Variants in NFATC2 observed in about 807,000 individuals in gnomAD.
NFATC2 encodes the protein nuclear factor of activated T cells 2, also known as nuclear factor of activated T-cells, cytoplasmic 2.
In NFATC2, 22 loss-of-function variants were observed where a neutral mutation model predicts 87.3. The ratio of observed to expected loss-of-function variants is 0.25; its 90% CI spans 0.18 to 0.36. The LOEUF (loss-of-function observed/expected upper bound fraction) is 0.36. Among genes scored for constraint, NFATC2 ranks in the 10% least tolerant of loss-of-function variants. NFATC2 has a pLI of 1.00. For synonymous variants in NFATC2, 565 were observed against 542.2 expected (o/e 1.04, Z -0.58); for missense variants, 1,149 against 1,259.1 (o/e 0.91, Z 1.32).
chr20:51,398,808 G>A, intron 9 of NFATC2, 78 bp from the exon 10 acceptor site: 1 of 989,104 alleles, frequency 1.0e-6, no homozygotes, highest in Non-Finnish European at 1.6e-6. Flanking sequence ...TCCAACTCAT[G>A]CCGATATCAT....
intron 3 of NFATC2, among the ~76,000 whole-genome samples, chr20:51,484,102 C>G (rs1989503428): frequency 6.6e-6 from 1 of 152,060 alleles, no homozygotes; most frequent in African/African-American, 2.4e-5. Flanking sequence ...CCCTTCTTCC[C>G]TCCCTGCTGC....
At chr20:51,520,685 A>G (rs954116858) in intron 2 of NFATC2, among the ~76,000 whole-genome samples, 1 of 151,152 alleles carries the variant, frequency 6.6e-6, no homozygotes, top group African/African-American at 2.4e-5. Context: ...TTTTTGAGAC[A>G]ATTTTACTCT....
chr20:51,533,112 G>T (rs1031605393), intron 1 of NFATC2, among the ~76,000 whole-genome samples: 1 of 152,228 alleles, frequency 6.6e-6, no homozygotes, highest in Admixed American at 6.5e-5. Flanking sequence ...ATCTGTAGCC[G>T]GAGGAAAGGG....
chr20:51,562,816 T>G (rs996167558), upstream of NFATC2: 16 of 551,936 alleles, frequency 2.9e-5, no homozygotes, highest in Non-Finnish European at 4.2e-5. The surrounding 1 kb of genome is among the most constrained non-coding windows in gnomAD (Gnocchi z 5.8). Flanking sequence ...GGCTCCGCGA[T>G]CCGGCTTACT....
chr20:51,428,754 T>C (rs1414818839), intron 9 of NFATC2, among the ~76,000 whole-genome samples: 2 of 152,170 alleles, frequency 1.3e-5, no homozygotes, highest in African/African-American at 4.8e-5. Context: ...TGCTTCCTTT[T>C]CCAGCCACAG....
chr20:51,468,923 C>T (rs1390056544), intron 5 of NFATC2, among the ~76,000 whole-genome samples: 1 of 152,166 alleles, frequency 6.6e-6, no homozygotes, highest in Non-Finnish European at 1.5e-5. Context: ...TCTCAAAGTC[C>T]GCCCCACATC....
intron 3 of NFATC2, among the ~76,000 whole-genome samples, chr20:51,491,147 T>C (rs113244044): frequency 8.5e-5 from 13 of 152,290 alleles, no homozygotes; most frequent in African/African-American, 2.6e-4. Flanking sequence ...GAGAGAGGAC[T>C]AGAAAAGGAA....
intron 3 of NFATC2, among the ~76,000 whole-genome samples, chr20:51,487,943 G>A (rs961436300): frequency 2.6e-5 from 4 of 152,148 alleles, no homozygotes; most frequent in South Asian, 2.1e-4. Context: ...GACTCAGCAC[G>A]GCGAGACGGC....
rs1600719910 is a variant in NFATC2 at position 51,432,778 on chromosome 20, T to C, written c.2033-22A>G. ...GGGACTGGGAGGAGAAAAGAGCACATAGGGGCGCCCATGGCAGTGAGCCAC... is the reference window on the plus strand; with the variant it reads ...GGGACTGGGAGGAGAAAAGAGCACACAGGGGCGCCCATGGCAGTGAGCCAC... On this transcript the variant is annotated intron_variant, in intron 8 of 10. Coordinates refer to ENST00000371564, the MANE Select transcript of NFATC2 (RefSeq NM_012340.5). The surrounding 1 kb of genome is among the most constrained non-coding windows in gnomAD (Gnocchi z 4.6). 1.3e-6 allele frequency: 2 copies of C among 1,533,958 alleles called. No individual in the cohort carries two copies. The highest frequency in any genetic ancestry group is 2.0e-5 in the Admixed American group (1 of 49,258).
intron 9 of NFATC2, among the ~76,000 whole-genome samples, chr20:51,401,255 A>T (rs1988005934): frequency 6.6e-6 from 1 of 152,092 alleles, no homozygotes; most frequent in Non-Finnish European, 1.5e-5. Context: ...CTGTAACCTC[A>T]GCTACCTGGG....
rs1986164468 is a variant in NFATC2 at position 51,390,135 on chromosome 20, A to C, written c.*1361T>G. ...GGAAACAGTTGGGAGGAAGGAAATC[A>C]CATATAACATGCAACCGAATAGAGC... On this transcript the variant is annotated 3_prime_UTR_variant, in exon 11 of 11. Transcript: ENST00000371564. 6.6e-6 allele frequency: 1 copy of C among 152,190 alleles called. No individual in the cohort carries two copies. The highest frequency in any genetic ancestry group is 2.1e-4 in the South Asian group (1 of 4,826). 9.4% of individuals were successfully genotyped at this position (152,190 alleles called of 1,614,324 possible).
chr20:51,435,698 G>A lies in NFATC2; in HGVS notation c.1905+8C>T, dbSNP rs765116259. ...ATTGAGAGACACTCAGGTGCGTCAC[G>A]TGCTTACGGGCTGGCTCTTGTCCTT... On this transcript the variant is annotated splice_region_variant and intron_variant, in intron 7 of 10. Coordinates refer to ENST00000371564, the MANE Select transcript of NFATC2 (RefSeq NM_012340.5). The A allele has an allele frequency of 2.4e-5, 39 of 1,608,366 alleles. No individual in the cohort carries two copies. The highest frequency in any genetic ancestry group is 2.0e-4 in the South Asian group (18 of 89,498).
At chr20:51,508,867 T>A (rs2076227944) in intron 3 of NFATC2, among the ~76,000 whole-genome samples, 2 of 151,378 alleles carry the variant, frequency 1.3e-5, no homozygotes, top group South Asian at 4.2e-4. Context: ...CCAGCCACCA[T>A]CCCCTCTGGC....
intron 1 of NFATC2, among the ~76,000 whole-genome samples, chr20:51,538,456 G>C (rs2146789439): frequency 6.6e-6 from 1 of 152,134 alleles, no homozygotes; most frequent in East Asian, 1.9e-4. Context: ...GCCAACACTG[G>C]AGTCCTCCTC....
chr20:51,391,236 G>C lies in NFATC2; in HGVS notation c.*260C>G, dbSNP rs760444197. The stretch of plus-strand genomic sequence containing the variant: ...GAGTTCTCTCTGGTGTTTAGAGGGA[G>C]GTGGCGAGCTCCTTAAGTGAGAGTC... On this transcript the variant is annotated 3_prime_UTR_variant, in exon 11 of 11. Transcript: ENST00000371564. 2 of 763,876 alleles carry C rather than the reference G, an allele frequency of 2.6e-6. No homozygotes were observed. Among genetic ancestry groups the C allele is most frequent in the Admixed American group, 1.9e-5 (1 of 53,380 alleles). 47.3% of individuals were successfully genotyped at this position (763,876 alleles called of 1,614,324 possible). A position where few individuals can be genotyped will look rare whatever the true frequency, so the allele number is the denominator to read the frequency against.
intron 3 of NFATC2, among the ~76,000 whole-genome samples, chr20:51,507,827 G>A (rs955393716): frequency 4.6e-5 from 7 of 152,196 alleles, no homozygotes; most frequent in South Asian, 4.2e-4. Context: ...CTGCTTACCC[G>A]AACTGTGTCC....
chr20:51,491,875 C>T (rs1288482113), intron 3 of NFATC2, among the ~76,000 whole-genome samples: 2 of 41,738 alleles, frequency 4.8e-5, no homozygotes, highest in Non-Finnish European at 7.9e-5. Flanking sequence ...CACACATACA[C>T]ATACACACAC....
chr20:51,533,642 C>T (rs1600974952), intron 1 of NFATC2, among the ~76,000 whole-genome samples: 1 of 152,252 alleles, frequency 6.6e-6, no homozygotes, highest in East Asian at 1.9e-4. Flanking sequence ...GCTAAGACAG[C>T]TGTCTGCCTT....
At chr20:51,420,062 T>C (rs1325812700) in intron 9 of NFATC2, among the ~76,000 whole-genome samples, 1 of 149,496 alleles carries the variant, frequency 6.7e-6, no homozygotes, top group Middle Eastern at 3.5e-3. Flanking sequence ...GGATCATCAC[T>C]GTAAGATATT....
Sources: gnomAD v4.1 joint callset for allele counts (sites outside exome capture counted in the v4.1 genomes callset) on GRCh38, gnomAD v4.1.1 for gene constraint, Gnocchi (gnomAD v3.1) non-coding constraint, MANE v1.5 for transcripts, NCBI Gene and HGNC (gene_info 2026-07-23, HGNC 2026-07-21) for gene names.